Variants in CCDC138 observed in about 807,000 individuals in gnomAD.
The protein encoded by CCDC138 is coiled-coil domain-containing protein 138.
Under a neutral mutation model 82.3 loss-of-function variants are expected in CCDC138, and 66 were observed. That is an observed-to-expected ratio of 0.80 (90% CI 0.66 to 0.98). CCDC138 has a LOEUF of 0.98. Among genes scored for constraint, CCDC138 ranks in the 50% least tolerant of loss-of-function variants. The pLI is 0.00. For synonymous variants in CCDC138, 297 were observed against 265.4 expected, an observed-to-expected ratio of 1.12 and a Z score of -1.16; for missense variants, 816 against 758.9, an observed-to-expected ratio of 1.08 and a Z score of -0.88.
At position 108,818,834 on chromosome 2, in the gene CCDC138, T is replaced by C. The variant is rs977048587; in HGVS notation, c.1206+2729T>C. ...GAAACTTCTGACTTTTTTTTTTTTG[T>C]ATATTTGATCACAGTTATAATTTAC... On this transcript the variant is annotated intron_variant, in intron 10 of 14. Coordinates refer to ENST00000295124, the MANE Select transcript of CCDC138 (RefSeq NM_144978.3). 5.3e-5 allele frequency among the ~76,000 whole-genome samples: 8 copies of C among 151,486 alleles called. No homozygotes were observed. The East Asian group carries it at 1.5e-3, about 29-fold the overall frequency.
At chr2:108,870,368 T>TAGGAAAA (rs1695041334) in intron 13 of CCDC138, among the ~76,000 whole-genome samples, 1 of 152,114 alleles carries the variant, frequency 6.6e-6, no homozygotes, top group African/African-American at 2.4e-5. Flanking sequence ...ACTTACGCAG[T>TAGGAAAA]ACCATCAGGC....
chr2:108,822,447 C>T (rs1685868630), intron 10 of CCDC138, among the ~76,000 whole-genome samples: 1 of 152,172 alleles, frequency 6.6e-6, no homozygotes, highest in Non-Finnish European at 1.5e-5. Flanking sequence ...AATAAATTAA[C>T]TCGATCTGTC....
At chr2:108,832,205 TTAG>T (rs201844644) in intron 10 of CCDC138, among the ~76,000 whole-genome samples, 6,712 of 151,880 alleles carry the variant, frequency 0.044, 209 homozygotes, top group Non-Finnish European at 0.069. Flanking sequence ...AATTTTTATA[TTAG>T]TAGAGACGGG....
At chr2:108,875,586 A>G (rs1039776659) in intron 14 of CCDC138, among the ~76,000 whole-genome samples, 2 of 152,196 alleles carry the variant, frequency 1.3e-5, no homozygotes, top group Admixed American at 6.5e-5. Flanking sequence ...GGCTGGGCAC[A>G]GTGGTTCACA....
chr2:108,870,788 A>G (rs1695115162), intron 13 of CCDC138, among the ~76,000 whole-genome samples: 1 of 152,210 alleles, frequency 6.6e-6, no homozygotes, highest in Non-Finnish European at 1.5e-5. Flanking sequence ...AAATAAGTAG[A>G]TTGGTGATTG....
intron 12 of CCDC138, among the ~76,000 whole-genome samples, chr2:108,847,903 C>T (rs1690755662): frequency 6.6e-6 from 1 of 152,094 alleles, no homozygotes; most frequent in South Asian, 2.1e-4. Context: ...TTACAATAGA[C>T]TAGGTGGTTA....
intron 1 of CCDC138, among the ~76,000 whole-genome samples, chr2:108,787,773 A>C (rs966650786): frequency 1.3e-5 from 2 of 151,736 alleles, no homozygotes; most frequent in Non-Finnish European, 2.9e-5. Flanking sequence ...GGTTTATCTT[A>C]TAGATGCTTC....
rs71383805 is a variant in CCDC138, at chr2:108,843,844, T to TTGTGTG, written c.1324-2864_1324-2859dup. Among the ~76,000 whole-genome samples the TTGTGTG allele has an allele frequency of 7.5e-3, 172 of 22,828 alleles. 4 individuals are homozygous for TTGTGTG. The highest frequency in any genetic ancestry group is 8.8e-3 in the African/African-American group (136 of 15,474). 15.0% of individuals were successfully genotyped at this position (22,828 alleles called of 152,430 possible). A position where few individuals can be genotyped will look rare whatever the true frequency, so the allele number is the denominator to read the frequency against. On this transcript the variant is annotated intron_variant, in intron 11 of 14. Transcript: ENST00000295124. ...GTCATTATTTCTTCAAGTTCATGTTTTGTGTGTGTGTGTGTGTGTGTGTGT... is the reference window on the plus strand; with the variant it reads ...GTCATTATTTCTTCAAGTTCATGTTTTGTGTGTGTGTGTGTGTGTGTGTGTGTGTGT...
intron 13 of CCDC138, among the ~76,000 whole-genome samples, chr2:108,857,279 A>T (rs1285390139): frequency 6.6e-6 from 1 of 151,880 alleles, no homozygotes; most frequent in African/African-American, 2.4e-5. Flanking sequence ...GGGTTTCACC[A>T]TGTTGGCCAG....
intron 13 of CCDC138, among the ~76,000 whole-genome samples, chr2:108,859,964 A>G (rs889886278): frequency 6.6e-6 from 1 of 151,908 alleles, no homozygotes; most frequent in Non-Finnish European, 1.5e-5. Flanking sequence ...TGTTTATGTC[A>G]TCTGTGATTT....
chr2:108,871,051 A>G (rs1212486915), intron 13 of CCDC138, among the ~76,000 whole-genome samples: 2 of 152,188 alleles, frequency 1.3e-5, no homozygotes, highest in Admixed American at 1.3e-4. Flanking sequence ...ATTTAGAAAT[A>G]GCCGTCATTA....
At chr2:108,800,041 T>C (rs989489426) in intron 6 of CCDC138, among the ~76,000 whole-genome samples, 2 of 152,214 alleles carry the variant, frequency 1.3e-5, no homozygotes, top group Non-Finnish European at 2.9e-5. Context: ...TGGAGCATAG[T>C]TTAAAAACTA....
At chr2:108,828,243 C>T (rs1401737987) in intron 10 of CCDC138, among the ~76,000 whole-genome samples, 3 of 151,770 alleles carry the variant, frequency 2.0e-5, no homozygotes, top group Admixed American at 6.6e-5. Context: ...TTATCAAATA[C>T]GAGAACAAGG....
Position 108,876,256 on chromosome 2 carries a change from T to TCTA in CCDC138, c.*3_*4insCTA. The TCTA allele has an allele frequency of 1.3e-6, 2 of 1,561,422 alleles. No individual in the cohort carries two copies. Among genetic ancestry groups the TCTA allele is most frequent in the Non-Finnish European group, 8.7e-7 (1 of 1,151,068 alleles). On this transcript the variant is annotated 3_prime_UTR_variant, in exon 15 of 15. Transcript: ENST00000295124. ...TGGTCTCCAGTGCAAGCCCTTAGAC[T>TCTA]GGCTAATTTTTTAATATAGTATATG...
Position 108,839,184 on chromosome 2 carries a change from GC to G in CCDC138, c.1207del (p.Leu403PhefsTer4). 1 of 1,599,472 alleles carries G rather than the reference GC, an allele frequency of 6.3e-7. No individual in the cohort carries two copies. The highest frequency in any genetic ancestry group is 2.3e-5 in the East Asian group (1 of 44,302). The stretch of plus-strand genomic sequence containing the variant: ...TTTATTTTCCATCATTTTATCTTTA[GC>G]TTTTGCCTCTAATGACAGAGCAGCT... The part of the protein sequence containing the change: ...RNDIQEKCVK[L>X]LPLMTEQLQW... On this transcript the variant is annotated frameshift_variant and splice_region_variant, in exon 11 of 15. Transcript: ENST00000295124. LOFTEE classifies it high-confidence loss of function.
At position 108,805,016 on chromosome 2, in the gene CCDC138, C is replaced by A; in HGVS notation, c.855+8C>A. 1 of 1,469,130 alleles carries A rather than the reference C, an allele frequency of 6.8e-7. No homozygotes were observed. The highest frequency in any genetic ancestry group is 9.1e-7 in the Non-Finnish European group (1 of 1,094,226). 91.0% of individuals were successfully genotyped at this position (1,469,130 alleles called of 1,614,324 possible). A position where few individuals can be genotyped will look rare whatever the true frequency, so the allele number is the denominator to read the frequency against. ...GATACCTTAAAAAAACAGGTAAGAC[C>A]TGTTTTAATATATACTGAACATAAG... is the stretch of plus-strand genomic sequence containing the variant. On this transcript the variant is annotated splice_region_variant and intron_variant, in intron 7 of 14. Coordinates refer to ENST00000295124, the MANE Select transcript of CCDC138 (RefSeq NM_144978.3).
chr2:108,828,111 T>G (rs1686947112), intron 10 of CCDC138, among the ~76,000 whole-genome samples: 1 of 151,904 alleles, frequency 6.6e-6, no homozygotes, highest in Non-Finnish European at 1.5e-5. Flanking sequence ...AAACTACTGG[T>G]TTACCATTAA....
intron 12 of CCDC138, among the ~76,000 whole-genome samples, chr2:108,856,095 T>A (rs1413385259): frequency 6.6e-6 from 1 of 152,214 alleles, no homozygotes; most frequent in Non-Finnish European, 1.5e-5. Flanking sequence ...TCTTACTACT[T>A]CATTTGCAAT....
chr2:108,853,900 T>TATTATA (rs1558737170), intron 12 of CCDC138, among the ~76,000 whole-genome samples: 1 of 119,074 alleles, frequency 8.4e-6, no homozygotes, highest in Non-Finnish European at 1.6e-5. Context: ...AGTATATATA[T>TATTATA]TATATATTAT....
Sources: allele counts gnomAD v4.1 joint callset (sites outside exome capture counted in the v4.1 genomes callset), GRCh38; gene constraint gnomAD v4.1.1; transcripts MANE v1.5; gene names NCBI Gene and HGNC (gene_info 2026-07-23, HGNC 2026-07-21).